The following PRKAG2 variants were observed in gnomAD, a reference collection of about 807,000 sequenced individuals.
PRKAG2 encodes the protein 5'-AMP-activated protein kinase subunit gamma-2.
In PRKAG2, 26 loss-of-function variants were observed where a neutral mutation model predicts 69.6. That is an observed-to-expected ratio of 0.37 (90% CI 0.27 to 0.52). The LOEUF (loss-of-function observed/expected upper bound fraction) is 0.52. Ranked by LOEUF, PRKAG2 falls within the 20% of genes least tolerant of loss-of-function variation. PRKAG2 has a pLI of 0.90. For synonymous variants in PRKAG2, 293 were observed against 285.0 expected (o/e 1.03, Z -0.28); for missense variants, 557 against 740.0 (o/e 0.75, Z 2.87).
At chr7:151,790,080 C>T (rs2077202955) in intron 1 of PRKAG2, among the ~76,000 whole-genome samples, 1 of 152,120 alleles carries the variant, frequency 6.6e-6, no homozygotes, top group Non-Finnish European at 1.5e-5. Context: ...CTGTGAACTG[C>T]TCTCATTTTG....
At chr7:151,674,873 ACCT>A (rs1363713637) in intron 4 of PRKAG2, 1 of 163,220 alleles carries the variant, frequency 6.1e-6, no homozygotes, top group Non-Finnish European at 1.3e-5. Flanking sequence ...GGGGAAAAAA[ACCT>A]CCTCCTGGTC....
chr7:151,655,963 A>G (rs1265928915), intron 4 of PRKAG2, among the ~76,000 whole-genome samples: 1 of 152,232 alleles, frequency 6.6e-6, no homozygotes, highest in Non-Finnish European at 1.5e-5. Flanking sequence ...GTGACATGGT[A>G]AAAGTCAAAC....
chr7:151,859,695 C>G (rs1367532261), intron 1 of PRKAG2, among the ~76,000 whole-genome samples: 1 of 152,204 alleles, frequency 6.6e-6, no homozygotes, highest in East Asian at 1.9e-4. Flanking sequence ...AGCTGAGTGG[C>G]CTTGGATACC....
chr7:151,641,244 C>CTTTTTTTTTTTTTTTTTTT (rs374667332), intron 4 of PRKAG2, among the ~76,000 whole-genome samples: 4 of 105,688 alleles, frequency 3.8e-5, no homozygotes, highest in Admixed American at 1.1e-4. Flanking sequence ...TTCTTTTTTC[C>CTTTTTTTTTTTTTTTTTTT]TTTTTTTTTT....
chr7:151,814,014 G>A lies in PRKAG2; in HGVS notation c.115-27473C>T, dbSNP rs1243803817. Among the ~76,000 whole-genome samples the A allele has an allele frequency of 1.3e-5, 2 of 152,160 alleles. No individual in the cohort carries two copies. Among genetic ancestry groups the A allele is most frequent in the African/African-American group, 2.4e-5 (1 of 41,430 alleles). Reference sequence around the variant, plus strand: ...CAACTTCGCTAAGATTTCAGCTCCAGTAAGGGAAGTTCAAGCCAGGGTGGG... The same window carrying A: ...CAACTTCGCTAAGATTTCAGCTCCAATAAGGGAAGTTCAAGCCAGGGTGGG... On this transcript the variant is annotated intron_variant, in intron 1 of 15. Transcript: ENST00000287878. The surrounding 1 kb of genome is among the most constrained non-coding windows in gnomAD (Gnocchi z 4.8).
At chr7:151,859,935 G>A (rs761590372) in intron 1 of PRKAG2, among the ~76,000 whole-genome samples, 5 of 152,310 alleles carry the variant, frequency 3.3e-5, no homozygotes, top group South Asian at 4.1e-4. Flanking sequence ...CTGGAGGGAC[G>A]CAGGGTTGCA....
At chr7:151,557,299 T>G (rs899696824) in intron 15 of PRKAG2, 67 bp from the exon 16 acceptor site, 11 of 1,613,342 alleles carry the variant, frequency 6.8e-6, no homozygotes, top group Non-Finnish European at 8.5e-6. Context: ...ACCCCAGGGG[T>G]TTCTACCTGT....
chr7:151,800,813 GT>G (rs1168238981), intron 1 of PRKAG2, among the ~76,000 whole-genome samples: 2 of 152,210 alleles, frequency 1.3e-5, no homozygotes, highest in African/African-American at 4.8e-5. Flanking sequence ...ACCACCAAGA[GT>G]GAGCCCTAAT....
chr7:151,639,861 A>G (rs138182137), intron 4 of PRKAG2, among the ~76,000 whole-genome samples: 34 of 152,316 alleles, frequency 2.2e-4, no homozygotes, highest in African/African-American at 8.2e-4. Context: ...AATTCCCCCA[A>G]TAAATCCCCT....
rs563533335 is a variant in PRKAG2, at chr7:151,607,170, T to C, written c.755-11716A>G. 1.6e-4 allele frequency among the ~76,000 whole-genome samples: 25 copies of C among 152,384 alleles called. No homozygotes were observed. The South Asian group carries it at 2.9e-3, about 18-fold the overall frequency. On this transcript the variant is annotated intron_variant, in intron 5 of 15. Coordinates refer to ENST00000287878, the MANE Select transcript of PRKAG2 (RefSeq NM_016203.4). ...TTCATAAAGGTTAATAACAAACTTTTACAAATGCAACATCTAAGTTTAAAT... is the reference window on the plus strand; with the variant it reads ...TTCATAAAGGTTAATAACAAACTTTCACAAATGCAACATCTAAGTTTAAAT...
At chr7:151,805,151 C>G (rs573235646) in intron 1 of PRKAG2, among the ~76,000 whole-genome samples, 2 of 152,330 alleles carry the variant, frequency 1.3e-5, no homozygotes, top group South Asian at 4.1e-4. Context: ...AACCACACCA[C>G]CTGACTTCTG....
At chr7:151,868,467 A>T (rs1317587369) in intron 1 of PRKAG2, among the ~76,000 whole-genome samples, 1 of 152,246 alleles carries the variant, frequency 6.6e-6, no homozygotes, top group South Asian at 2.1e-4. Context: ...TCTCAGAGCG[A>T]GTCACGGTTA....
Position 151,840,896 on chromosome 7 carries a change from C to T in PRKAG2, c.114+35611G>A, listed in dbSNP as rs140933420. Among the ~76,000 whole-genome samples, 796 of 152,314 alleles carry T rather than the reference C, an allele frequency of 5.2e-3. 8 individuals carry two copies. Among genetic ancestry groups the T allele is most frequent in the African/African-American group, 0.018 (761 of 41,560 alleles). On this transcript the variant is annotated intron_variant, in intron 1 of 15. Transcript: ENST00000287878. The stretch of plus-strand genomic sequence containing the variant: ...CACCTACAGTCCCAGCTACTTGCGA[C>T]GCTGGGGCAGGAAGATCACTGGAGC...
At chr7:151,586,532 T>TA (rs1217215545) in intron 6 of PRKAG2, among the ~76,000 whole-genome samples, 1 of 152,234 alleles carries the variant, frequency 6.6e-6, no homozygotes, top group Non-Finnish European at 1.5e-5. Flanking sequence ...AAGTTCCCTT[T>TA]AATGCTAGAA....
chr7:151,625,093 G>C (rs1409956812), intron 5 of PRKAG2, among the ~76,000 whole-genome samples: 3 of 152,166 alleles, frequency 2.0e-5, no homozygotes, highest in African/African-American at 7.2e-5. Context: ...GCAAATAAAT[G>C]GGAGGGGCTA....
chr7:151,825,186 C>T (rs1261311593), intron 1 of PRKAG2, among the ~76,000 whole-genome samples: 1 of 152,162 alleles, frequency 6.6e-6, no homozygotes, highest in Non-Finnish European at 1.5e-5. Context: ...TGTACTCCAG[C>T]CTGAGTGACA....
intron 3 of PRKAG2, among the ~76,000 whole-genome samples, chr7:151,715,842 G>A (rs746431100): frequency 3.5e-4 from 54 of 152,298 alleles, no homozygotes; most frequent in Admixed American, 1.6e-3. Context: ...GAGAGGGCGG[G>A]GCGGGGCAAG....
Position 151,638,471 on chromosome 7 carries a change from T to C in PRKAG2, c.685-6333A>G, listed in dbSNP as rs552599517. ...AACATGGTGAAAACCCCGTCTCTAC[T>C]AAAAATACAAAAATTAGCCGGGCAT... On this transcript the variant is annotated intron_variant, in intron 4 of 15. Transcript: ENST00000287878. The surrounding 1 kb of genome is among the most constrained non-coding windows in gnomAD (Gnocchi z 4.3). Among the ~76,000 whole-genome samples the C allele has an allele frequency of 3.3e-5, 5 of 152,238 alleles. No homozygotes were observed. The highest frequency in any genetic ancestry group is 5.9e-5 in the Non-Finnish European group (4 of 67,992).
At chr7:151,564,359 C>T (rs999362663) in intron 13 of PRKAG2, 135 bp from the exon 14 acceptor site, 6 of 906,372 alleles carry the variant, frequency 6.6e-6, no homozygotes, top group East Asian at 2.5e-5. Flanking sequence ...ATACATCAGA[C>T]GTTCTTTCTG....
Sources: gnomAD v4.1 joint callset for allele counts (sites outside exome capture counted in the v4.1 genomes callset) on GRCh38, gnomAD v4.1.1 for gene constraint, Gnocchi (gnomAD v3.1) non-coding constraint, MANE v1.5 for transcripts, NCBI Gene and HGNC (gene_info 2026-07-23, HGNC 2026-07-21) for gene names.